CSMD1: variants seen among roughly 807,000 people sequenced by gnomAD.
CSMD1 encodes the protein CUB and sushi domain-containing protein 1.
A neutral mutation model predicts 417.5 loss-of-function variants in CSMD1; 213 were observed. The observed-to-expected ratio is 0.51, with a 90% CI of 0.46 to 0.57. The LOEUF is 0.57. Among genes scored for constraint, CSMD1 ranks in the 20% least tolerant of loss-of-function variants. CSMD1 has a pLI of 0.00. For missense variants in CSMD1, 6,923 were observed against 4,529.7 expected (o/e 1.53, Z -15.17); for synonymous variants, 2,862 against 1,736.8 (o/e 1.65, Z -16.11).
At chr8:4,450,961 A>C (rs1799107006) in intron 2 of CSMD1, among the ~76,000 whole-genome samples, 1 of 152,096 alleles carries the variant, frequency 6.6e-6, no homozygotes, top group African/African-American at 2.4e-5. Context: ...TAAGATCTAC[A>C]GTAACGTATT....
intron 3 of CSMD1, among the ~76,000 whole-genome samples, chr8:4,161,245 C>T (rs991638080): frequency 2.0e-5 from 3 of 152,210 alleles, no homozygotes; most frequent in Admixed American, 6.5e-5. Flanking sequence ...CTCTTACCAT[C>T]TGCATTTACA....
chr8:4,384,321 A>G (rs1803301204), intron 3 of CSMD1, among the ~76,000 whole-genome samples: 1 of 152,120 alleles, frequency 6.6e-6, no homozygotes, highest in Non-Finnish European at 1.5e-5. Flanking sequence ...TCCGAAATCT[A>G]CCTCATGGCA....
intron 7 of CSMD1, among the ~76,000 whole-genome samples, chr8:3,705,048 G>T (rs1049795337): frequency 6.6e-6 from 1 of 152,156 alleles, no homozygotes; most frequent in Non-Finnish European, 1.5e-5. Flanking sequence ...CCATGACAGG[G>T]TCCCACCAGG....
chr8:3,164,668 T>C (rs1341331236), intron 37 of CSMD1, among the ~76,000 whole-genome samples: 6 of 152,152 alleles, frequency 3.9e-5, no homozygotes, highest in Non-Finnish European at 7.4e-5. Context: ...ATACTAAAAA[T>C]CTACTTTAGG....
intron 3 of CSMD1, among the ~76,000 whole-genome samples, chr8:4,372,048 G>C (rs548418948): frequency 3.0e-4 from 46 of 152,160 alleles, no homozygotes; most frequent in African/African-American, 1.0e-3. Context: ...GGCAAGGTCT[G>C]GGGTGAACAT....
chr8:3,168,788 G>A (rs951282455), intron 37 of CSMD1, among the ~76,000 whole-genome samples: 5 of 151,254 alleles, frequency 3.3e-5, no homozygotes, highest in East Asian at 2.0e-4. Context: ...ACTGTTGGCA[G>A]GTTTGACACA....
chr8:4,078,271 A>C (rs1314913755), intron 3 of CSMD1, among the ~76,000 whole-genome samples: 1 of 151,480 alleles, frequency 6.6e-6, no homozygotes, highest in African/African-American at 2.4e-5. Flanking sequence ...TGCATTGATA[A>C]TGCAGACCTA....
intron 3 of CSMD1, among the ~76,000 whole-genome samples, chr8:4,320,102 T>TC (rs1374023223): frequency 6.6e-6 from 1 of 152,124 alleles, no homozygotes; most frequent in East Asian, 1.9e-4. Flanking sequence ...TTCAAAAAAA[T>TC]CCAACCCTTT....
Position 3,348,013 on chromosome 8 carries a change from C to T in CSMD1, c.3453G>A (p.Leu1151=), listed in dbSNP as rs748062777. ...GIHLRTRSFQ[L]FEGDTLKVYD... The stretch of plus-strand genomic sequence containing the variant: ...TTACCTTTAGAGTATCTCCTTCAAA[C>T]AGCTGGAAGCTTCGTGTTCTAAGGT... Residue 1151 remains leucine (L), a synonymous_variant, in exon 22 of 70, where the codon CTG becomes CTA. Transcript: ENST00000635120. 2 of 1,602,604 alleles carry T rather than the reference C, an allele frequency of 1.2e-6. No homozygotes were observed. The highest frequency in any genetic ancestry group is 1.7e-5 in the Admixed American group (1 of 58,210).
intron 1 of CSMD1, among the ~76,000 whole-genome samples, chr8:4,650,204 G>C (rs774417682): frequency 6.6e-6 from 1 of 151,868 alleles, no homozygotes; most frequent in South Asian, 2.1e-4. Context: ...AATTAGCCGG[G>C]TGTGGTGGCG....
intron 46 of CSMD1, among the ~76,000 whole-genome samples, chr8:3,101,151 T>G (rs1390042680): frequency 2.6e-5 from 4 of 152,056 alleles, no homozygotes; most frequent in Non-Finnish European, 5.9e-5. Flanking sequence ...TTGAAGACCT[T>G]TAAAGTCAGG....
intron 8 of CSMD1, among the ~76,000 whole-genome samples, chr8:3,587,636 T>C (rs1423230757): frequency 6.6e-6 from 1 of 152,124 alleles, no homozygotes; most frequent in Non-Finnish European, 1.5e-5. Flanking sequence ...TCTCTAGGGA[T>C]TGCCATGGAT....
intron 1 of CSMD1, among the ~76,000 whole-genome samples, chr8:4,842,576 T>C (rs902721799): frequency 2.0e-5 from 3 of 152,190 alleles, no homozygotes; most frequent in African/African-American, 7.2e-5. Flanking sequence ...ATATTGAGCA[T>C]AGGGCACATG....
intron 6 of CSMD1, among the ~76,000 whole-genome samples, chr8:3,737,948 T>C (rs1471695375): frequency 2.6e-5 from 4 of 152,210 alleles, no homozygotes; most frequent in African/African-American, 2.4e-5. Flanking sequence ...AGGGAAATTC[T>C]TAAAAGAAAC....
intron 2 of CSMD1, among the ~76,000 whole-genome samples, chr8:4,602,473 C>A (rs1031075480): frequency 6.6e-6 from 1 of 152,100 alleles, no homozygotes; most frequent in Non-Finnish European, 1.5e-5. Context: ...TTTAATATGG[C>A]CAGAGCTGTC....
At chr8:4,921,996 T>C (rs563727052) in intron 1 of CSMD1, among the ~76,000 whole-genome samples, 1 of 152,268 alleles carries the variant, frequency 6.6e-6, no homozygotes, top group South Asian at 2.1e-4. Flanking sequence ...GATCCAATCC[T>C]GCAATTTCCT....
intron 49 of CSMD1, among the ~76,000 whole-genome samples, chr8:3,085,664 T>C (rs1325315236): frequency 1.3e-5 from 2 of 152,198 alleles, no homozygotes; most frequent in Non-Finnish European, 2.9e-5. Context: ...TCTGCTGGGG[T>C]GTGGGGAGGC....
chr8:3,575,330 C>G (rs548444288), intron 9 of CSMD1, among the ~76,000 whole-genome samples: 2 of 152,252 alleles, frequency 1.3e-5, no homozygotes, highest in African/African-American at 4.8e-5. Context: ...AAGGATCTAA[C>G]AGATGACAGC....
intron 49 of CSMD1, among the ~76,000 whole-genome samples, chr8:3,054,707 G>A (rs893323122): frequency 6.6e-6 from 1 of 152,188 alleles, no homozygotes; most frequent in African/African-American, 2.4e-5. Context: ...GTGTGTACGT[G>A]TGTGTACATG....
Sources: allele counts gnomAD v4.1 joint callset (sites outside exome capture counted in the v4.1 genomes callset), GRCh38; gene constraint gnomAD v4.1.1; transcripts MANE v1.5; gene names NCBI Gene and HGNC (gene_info 2026-07-23, HGNC 2026-07-21).